Variants in ROBO1 observed in about 807,000 individuals in gnomAD.
ROBO1 encodes the protein roundabout guidance receptor 1, also known as roundabout homolog 1.
In ROBO1, 149 loss-of-function variants were observed where a neutral mutation model predicts 195.9. The ratio of observed to expected loss-of-function variants is 0.76; its 90% CI spans 0.67 to 0.87. ROBO1 has a LOEUF of 0.87. ROBO1 is among the 40% of genes least tolerant of loss of function. The pLI, the probability that ROBO1 is intolerant of heterozygous loss-of-function variation, is 0.00. For synonymous variants in ROBO1, 816 were observed against 733.2 expected, an observed-to-expected ratio of 1.11 and a Z score of -1.82; for missense variants, 1,933 against 2,068.3, an observed-to-expected ratio of 0.93 and a Z score of 1.27.
chr3:79,250,562 GT>G (rs1479607767), intron 2 of ROBO1, among the ~76,000 whole-genome samples: 1 of 150,154 alleles, frequency 6.7e-6, no homozygotes, highest in African/African-American at 2.5e-5. Flanking sequence ...TATAATGTGT[GT>G]GGGGGGGGTT....
intron 2 of ROBO1, among the ~76,000 whole-genome samples, chr3:79,432,590 C>A (rs190130449): frequency 6.6e-6 from 1 of 152,080 alleles, no homozygotes; most frequent in Non-Finnish European, 1.5e-5. Flanking sequence ...TTAATTCTTT[C>A]GCACAGAATT....
chr3:79,692,865 A>C (rs1416631055), intron 1 of ROBO1, among the ~76,000 whole-genome samples: 1 of 151,858 alleles, frequency 6.6e-6, no homozygotes, highest in African/African-American at 2.4e-5. Context: ...GCATATACAT[A>C]ATGAGTTATC....
intron 2 of ROBO1, among the ~76,000 whole-genome samples, chr3:79,535,888 TTTTG>T (rs1043583060): frequency 1.1e-4 from 17 of 152,108 alleles, no homozygotes; most frequent in African/African-American, 2.4e-4. Flanking sequence ...AGAGGTTTTT[TTTTG>T]TTTGTTTGTT....
At chr3:79,647,389 C>T (rs188331531) in intron 1 of ROBO1, among the ~76,000 whole-genome samples, 24 of 152,026 alleles carry the variant, frequency 1.6e-4, no homozygotes, top group Admixed American at 2.6e-4. Flanking sequence ...AGGAAAATTT[C>T]TATGATCCCT....
intron 4 of ROBO1, among the ~76,000 whole-genome samples, chr3:78,791,652 C>T (rs1310382012): frequency 1.3e-5 from 2 of 152,182 alleles, no homozygotes; most frequent in African/African-American, 4.8e-5. Flanking sequence ...TCTGCTGATA[C>T]ATCAACCTTT....
intron 2 of ROBO1, among the ~76,000 whole-genome samples, chr3:79,389,751 A>G (rs1397003034): frequency 1.3e-5 from 2 of 152,122 alleles, no homozygotes; most frequent in African/African-American, 4.8e-5. Flanking sequence ...TGTGAAGTTT[A>G]TATGTAACTA....
chr3:78,882,136 T>C (rs913297238), intron 4 of ROBO1, among the ~76,000 whole-genome samples: 1 of 152,120 alleles, frequency 6.6e-6, no homozygotes, highest in Non-Finnish European at 1.5e-5. Flanking sequence ...ATATTACAAA[T>C]TTAGGAACAG....
chr3:78,993,260 TGCACAA>T (rs942381759), intron 3 of ROBO1, among the ~76,000 whole-genome samples: 1 of 152,176 alleles, frequency 6.6e-6, no homozygotes, highest in Admixed American at 6.5e-5. Flanking sequence ...CAAGGGTGCA[TGCACAA>T]GCACAAGCAC....
intron 5 of ROBO1, among the ~76,000 whole-genome samples, chr3:78,742,889 C>G (rs1414008107): frequency 6.6e-6 from 1 of 152,068 alleles, no homozygotes; most frequent in East Asian, 1.9e-4. Flanking sequence ...AGGACAGCAT[C>G]CCCTTAGACA....
intron 1 of ROBO1, among the ~76,000 whole-genome samples, chr3:79,600,014 C>A (rs542667425): frequency 6.6e-6 from 1 of 151,652 alleles, no homozygotes; most frequent in South Asian, 2.1e-4. Flanking sequence ...CTCATGTACA[C>A]CAAGACAGAA....
intron 1 of ROBO1, among the ~76,000 whole-genome samples, chr3:79,741,463 A>C (rs1225125576): frequency 6.6e-6 from 1 of 152,066 alleles, no homozygotes; most frequent in African/African-American, 2.4e-5. Flanking sequence ...TTTGTTTCCT[A>C]GGTAATCAAA....
chr3:78,848,301 A>G lies in ROBO1; in HGVS notation c.499+90300T>C, dbSNP rs571721368. Among the ~76,000 whole-genome samples, 6 of 152,328 alleles carry G rather than the reference A, an allele frequency of 3.9e-5. No homozygotes were observed. In the East Asian group the frequency reaches 1.2e-3, roughly 29 times the overall value. ...AAATTGGCGCAACAGTAATTGCATT[A>G]CTTTTAAAGGCAAAACCACAATTAC... is the stretch of plus-strand genomic sequence containing the variant. On this transcript the variant is annotated intron_variant, in intron 4 of 30. Transcript: ENST00000464233.
At chr3:79,112,151 C>T (rs1312182071) in intron 3 of ROBO1, among the ~76,000 whole-genome samples, 2 of 152,116 alleles carry the variant, frequency 1.3e-5, no homozygotes, top group South Asian at 2.1e-4. Flanking sequence ...ATGACACATG[C>T]GGCTTGCATC....
chr3:79,303,159 G>GTTTTTTT lies in ROBO1; in HGVS notation c.89-177621_89-177620insAAAAAAA, dbSNP rs368110549. Among the ~76,000 whole-genome samples the GTTTTTTT allele has an allele frequency of 4.7e-4, 34 of 72,068 alleles. 6 individuals are homozygous for GTTTTTTT. The highest frequency in any genetic ancestry group is 4.9e-4 in the Non-Finnish European group (20 of 41,232). The allele number at this position is 72,068 out of a possible 152,430, so 47.3% of individuals were successfully genotyped here. ...ATTAATATATGAATTATCTCACATA[G>GTTTTTTT]GTTTTTTTTTTTTTTTTTTTTTTTG... On this transcript the variant is annotated intron_variant, in intron 2 of 30. Coordinates refer to ENST00000464233, the MANE Select transcript of ROBO1 (RefSeq NM_002941.4).
At position 79,490,141 on chromosome 3, in the gene ROBO1, C is replaced by T. The variant is rs540483677; in HGVS notation, c.88+99683G>A. 3.9e-5 allele frequency among the ~76,000 whole-genome samples: 6 copies of T among 152,224 alleles called. No homozygotes were observed. The South Asian group carries it at 6.2e-4, about 16-fold the overall frequency. On this transcript the variant is annotated intron_variant, in intron 2 of 30. Transcript: ENST00000464233. ...TGGAGTGGATGCTTTCCTATAATTT[C>T]CGTGGTTATATTATTCACTGCTTTT...
At chr3:78,730,034 G>A (rs2082252157) in intron 5 of ROBO1, among the ~76,000 whole-genome samples, 1 of 152,094 alleles carries the variant, frequency 6.6e-6, no homozygotes, top group Non-Finnish European at 1.5e-5. Context: ...TACAGTCACA[G>A]CTAAGACAGC....
intron 2 of ROBO1, among the ~76,000 whole-genome samples, chr3:79,463,378 A>AAAAAAAC (rs1937763121): frequency 6.6e-6 from 1 of 150,454 alleles, no homozygotes; most frequent in Non-Finnish European, 1.5e-5. Flanking sequence ...ACATCTCAAA[A>AAAAAAAC]AAAAAACATA....
chr3:79,653,206 AATT>A (rs1946064024), intron 1 of ROBO1, among the ~76,000 whole-genome samples: 1 of 151,888 alleles, frequency 6.6e-6, no homozygotes. Flanking sequence ...ATCGATGTTT[AATT>A]ATATTTCATT....
chr3:79,011,000 C>T (rs763328364), intron 3 of ROBO1, among the ~76,000 whole-genome samples: 1 of 152,106 alleles, frequency 6.6e-6, no homozygotes, highest in Admixed American at 6.5e-5. Flanking sequence ...GGGAAATGAA[C>T]AGATGAGTTT....
Sources: allele counts gnomAD v4.1 joint callset (sites outside exome capture counted in the v4.1 genomes callset), GRCh38; gene constraint gnomAD v4.1.1; transcripts MANE v1.5; gene names NCBI Gene and HGNC (gene_info 2026-07-23, HGNC 2026-07-21).